Variants in LVRN observed in about 807,000 individuals in gnomAD.
LVRN encodes laeverin, also known as aminopeptidase Q.
Under a neutral mutation model 111.4 loss-of-function variants are expected in LVRN, and 99 were observed. That is an observed-to-expected ratio of 0.89 (90% CI 0.76 to 1.05). The LOEUF is 1.05. LVRN is among the 50% of genes least tolerant of loss of function. LVRN has a pLI of 0.00. For synonymous variants in LVRN, 488 were observed against 449.5 expected (o/e 1.09, Z -1.08); for missense variants, 1,414 against 1,206.8 (o/e 1.17, Z -2.54).
In LVRN at chr5:116,012,394, T is replaced by G; in HGVS notation, c.2268T>G (p.Leu756=). ...TATAGAGGTACCTATTAAAGAGACT[T>G]AATTTAATATGGAATATTTATTCAA... is the stretch of plus-strand genomic sequence containing the variant. ...SLLKRYLLKR[L]NLIWNIYSTI... is the part of the protein sequence containing the mutation. The change falls in exon 15 of 20, where the codon CTT becomes CTG. Residue 756 remains leucine (L), a synonymous_variant. Transcript: ENST00000357872. 3 of 1,508,802 alleles carry G rather than the reference T, an allele frequency of 2.0e-6. No homozygotes were observed. In the South Asian group the frequency reaches 3.5e-5, roughly 18 times the overall value. 93.5% of individuals were successfully genotyped at this position (1,508,802 alleles called of 1,614,324 possible).
intron 7 of LVRN, among the ~76,000 whole-genome samples, chr5:116,000,207 T>C (rs1748209463): frequency 6.6e-6 from 1 of 152,214 alleles, no homozygotes; most frequent in Non-Finnish European, 1.5e-5. Flanking sequence ...TTTTAAAAAT[T>C]TTATGTACTC....
rs549123315 is a variant in LVRN, at chr5:115,996,028, C to CA, written c.1374+2174_1374+2175insA. Among the ~76,000 whole-genome samples the CA allele has an allele frequency of 2.5e-3, 384 of 152,216 alleles. 1 individual carries two copies. The highest frequency in any genetic ancestry group is 8.9e-3 in the African/African-American group (368 of 41,534). On this transcript the variant is annotated intron_variant, in intron 6 of 19. Transcript: ENST00000357872. Reference sequence around the variant, plus strand: ...TCTTAGCTCTCTCCAACAGTCCTTTCCACTTACTCTATGCCTACAAAATTG... The same window carrying CA: ...TCTTAGCTCTCTCCAACAGTCCTTTCACACTTACTCTATGCCTACAAAATTG...
intron 18 of LVRN, among the ~76,000 whole-genome samples, chr5:116,017,674 A>C (rs77012426): frequency 0.027 from 4,111 of 152,282 alleles, 181 homozygotes; most frequent in African/African-American, 0.087. Flanking sequence ...AAGATTTTTA[A>C]CCTAAGCTTC....
chr5:116,002,380 T>C (rs1277381699), intron 10 of LVRN, among the ~76,000 whole-genome samples: 1 of 152,224 alleles, frequency 6.6e-6, no homozygotes, highest in African/African-American at 2.4e-5. Context: ...CTGATTCCTG[T>C]TGAATAGTTT....
Position 116,026,826 on chromosome 5 carries a change from G to A in LVRN, c.*708G>A. The A allele has an allele frequency of 6.6e-6, 1 of 152,568 alleles. No homozygotes were observed. The highest frequency in any genetic ancestry group is 1.5e-5 in the Non-Finnish European group (1 of 68,256). The allele number at this position is 152,568 out of a possible 1,614,324, so 9.5% of individuals were successfully genotyped here. A position where few individuals can be genotyped will look rare whatever the true frequency, so the allele number is the denominator to read the frequency against. On this transcript the variant is annotated 3_prime_UTR_variant, in exon 20 of 20. Coordinates refer to ENST00000357872, the MANE Select transcript of LVRN (RefSeq NM_173800.5). Reference sequence around the variant, plus strand: ...TGCACTTAGGCTTGCTGTGGTGGAGGCCATAGTGGAGATGAAGGCTCTGCT... The same window carrying A: ...TGCACTTAGGCTTGCTGTGGTGGAGACCATAGTGGAGATGAAGGCTCTGCT...
At chr5:115,995,718 A>G (rs56321985) in intron 6 of LVRN, among the ~76,000 whole-genome samples, 43,344 of 152,144 alleles carry the variant, frequency 0.28, 6,561 homozygotes, top group Non-Finnish European at 0.32. Context: ...CACATACATC[A>G]TCTTACTCAG....
At chr5:115,997,671 A>AT (rs1748146187) in intron 6 of LVRN, among the ~76,000 whole-genome samples, 1 of 152,040 alleles carries the variant, frequency 6.6e-6, no homozygotes, top group African/African-American at 2.4e-5. Flanking sequence ...AAAAAAAAAA[A>AT]GGAAGAAATT....
Position 115,996,042 on chromosome 5 carries a change from C to T in LVRN, c.1374+2188C>T, listed in dbSNP as rs565778298. 7.9e-5 allele frequency among the ~76,000 whole-genome samples: 12 copies of T among 152,180 alleles called. No individual in the cohort carries two copies. The South Asian group carries it at 2.5e-3, about 32-fold the overall frequency. On this transcript the variant is annotated intron_variant, in intron 6 of 19. Transcript: ENST00000357872. ...AACAGTCCTTTCCACTTACTCTATGCCTACAAAATTGTTTGTATCTCTCTT... is the reference window on the plus strand; with the variant it reads ...AACAGTCCTTTCCACTTACTCTATGTCTACAAAATTGTTTGTATCTCTCTT...
At chr5:115,966,566 T>A (rs1753207573) in intron 1 of LVRN, among the ~76,000 whole-genome samples, 1 of 152,194 alleles carries the variant, frequency 6.6e-6, no homozygotes, top group South Asian at 2.1e-4. Context: ...CAGGCTAGCC[T>A]CATACTTCTG....
chr5:116,013,888 C>T (rs1748542559), intron 15 of LVRN, among the ~76,000 whole-genome samples: 1 of 152,142 alleles, frequency 6.6e-6, no homozygotes, highest in Non-Finnish European at 1.5e-5. Flanking sequence ...ACCAACCAAA[C>T]ACCTTTATTC....
At chr5:115,991,903 C>G (rs1747996847) in intron 4 of LVRN, among the ~76,000 whole-genome samples, 1 of 152,122 alleles carries the variant, frequency 6.6e-6, no homozygotes. Context: ...TATTTGAATA[C>G]AAGTCCTTTA....
rs193186203 is a variant in LVRN, at chr5:115,988,924, A to G, written c.1105+985A>G. 1.4e-4 allele frequency among the ~76,000 whole-genome samples: 22 copies of G among 152,276 alleles called. No homozygotes were observed. In the East Asian group the frequency reaches 3.5e-3, roughly 24 times the overall value. On this transcript the variant is annotated intron_variant, in intron 4 of 19. Coordinates refer to ENST00000357872, the MANE Select transcript of LVRN (RefSeq NM_173800.5). ...AAAAGTTCTATTTGTATTTATTTAG[A>G]TGAGAAGTCCAGAGTCATCCTTGAC...
intron 6 of LVRN, among the ~76,000 whole-genome samples, chr5:115,996,409 C>A (rs1217028435): frequency 6.6e-6 from 1 of 152,144 alleles, no homozygotes; most frequent in African/African-American, 2.4e-5. Context: ...CTTTTCTATA[C>A]CTCTTAGTTG....
chr5:115,965,208 C>G (rs138543299), intron 1 of LVRN, among the ~76,000 whole-genome samples: 1 of 152,262 alleles, frequency 6.6e-6, no homozygotes, highest in Non-Finnish European at 1.5e-5. Flanking sequence ...GATCAGCTTC[C>G]TTGTTATCTA....
rs1030820819 is a variant in LVRN at position 116,010,616 on chromosome 5, C to G, written c.2094-125C>G. 7 of 1,002,628 alleles carry G rather than the reference C, an allele frequency of 7.0e-6. No homozygotes were observed. In the African/African-American group the frequency reaches 9.7e-5, roughly 14 times the overall value. 62.1% of individuals were successfully genotyped at this position (1,002,628 alleles called of 1,614,324 possible). A position where few individuals can be genotyped will look rare whatever the true frequency, so the allele number is the denominator to read the frequency against. ...CTATAAGATGGGACATTTACCTTCT[C>G]GTTTCTTGACTTATTCACATGCCTT... On this transcript the variant is annotated intron_variant, in intron 13 of 19. Coordinates refer to ENST00000357872, the MANE Select transcript of LVRN (RefSeq NM_173800.5).
chr5:116,012,209 T>A (rs928469757), intron 14 of LVRN, among the ~76,000 whole-genome samples, 165 bp from the exon 15 acceptor site: 15 of 152,116 alleles, frequency 9.9e-5, no homozygotes, highest in African/African-American at 3.6e-4. Flanking sequence ...CCGAAAGAGG[T>A]TAAAAAATAA....
At chr5:115,967,900 A>G (rs541686903) in intron 1 of LVRN, among the ~76,000 whole-genome samples, 6 of 152,204 alleles carry the variant, frequency 3.9e-5, no homozygotes, top group Admixed American at 6.5e-5. Context: ...TGTTGCTACT[A>G]TATAGAAATG....
At chr5:115,989,655 A>C (rs1747941285) in intron 4 of LVRN, among the ~76,000 whole-genome samples, 1 of 152,174 alleles carries the variant, frequency 6.6e-6, no homozygotes, top group Non-Finnish European at 1.5e-5. Context: ...AATACATGTG[A>C]CTAGTTCAGT....
In LVRN at chr5:116,025,968, G is replaced by T; in HGVS notation, c.2833-10G>T. The T allele has an allele frequency of 6.2e-7, 1 of 1,613,434 alleles. No homozygotes were observed. Among genetic ancestry groups the T allele is most frequent in the African/African-American group, 1.3e-5 (1 of 75,006 alleles). ...GATTGCACTGATCATCTGTCTCTCT[G>T]TCCTTCCAGCTGCAGCAGTTTTTCA... On this transcript the variant is annotated splice_polypyrimidine_tract_variant and intron_variant, in intron 19 of 19. Coordinates refer to ENST00000357872, the MANE Select transcript of LVRN (RefSeq NM_173800.5).
Sources: allele counts gnomAD v4.1 joint callset (sites outside exome capture counted in the v4.1 genomes callset), GRCh38; gene constraint gnomAD v4.1.1; transcripts MANE v1.5; gene names NCBI Gene and HGNC (gene_info 2026-07-23, HGNC 2026-07-21).